Variants in NUMBL observed in about 807,000 individuals in gnomAD.
NUMBL encodes NUMB like endocytic adaptor protein.
A neutral mutation model predicts 48.9 loss-of-function variants in NUMBL; 20 were observed. That is an observed-to-expected ratio of 0.41 (90% CI 0.29 to 0.59). The LOEUF is 0.59. NUMBL is among the 20% of genes least tolerant of loss of function. NUMBL has a pLI of 0.31. For synonymous variants in NUMBL, 340 were observed against 348.7 expected, an observed-to-expected ratio of 0.98 and a Z score of 0.28; for missense variants, 660 against 846.2, an observed-to-expected ratio of 0.78 and a Z score of 2.73.
rs1343038448 is a variant in NUMBL at position 40,670,081 on chromosome 19, C to T, written c.1037-61G>A. On this transcript the variant is annotated intron_variant, in intron 8 of 9. Transcript: ENST00000252891. ...GCCCAGACCCTGCCGCAGCCCCGCC[C>T]TCTACCCCCCGCCCTCGGTGGCCCT... The T allele has an allele frequency of 2.5e-6, 4 of 1,571,304 alleles. No homozygotes were observed. The East Asian group carries it at 6.8e-5, about 27-fold the overall frequency.
chr19:40,684,776 C>A (rs1466127256), intron 2 of NUMBL: 2 of 514,302 alleles, frequency 3.9e-6, no homozygotes, highest in African/African-American at 2.1e-5. Context: ...AAGTTGGGCA[C>A]TGGGGATTCA....
At position 40,682,889 on chromosome 19, in the gene NUMBL, C is replaced by G; in HGVS notation, c.324+5G>C. The G allele has an allele frequency of 1.2e-6, 2 of 1,614,112 alleles. No individual in the cohort carries two copies. The highest frequency in any genetic ancestry group is 1.7e-6 in the Non-Finnish European group (2 of 1,180,030). Reference sequence around the variant, plus strand: ...CCCCTCCCTCATGGCAGCCCCCTCACTCACCGCCTTCAGCTTCTTCACCGC... The same window carrying G: ...CCCCTCCCTCATGGCAGCCCCCTCAGTCACCGCCTTCAGCTTCTTCACCGC... On this transcript the variant is annotated splice_donor_5th_base_variant and intron_variant, in intron 4 of 9. Transcript: ENST00000252891. This position sits in a 1 kb window ranked among gnomAD's most constrained non-coding sequence, Gnocchi z 4.0.
At chr19:40,676,464 T>G (rs1281911196) in intron 7 of NUMBL, among the ~76,000 whole-genome samples, 1 of 151,782 alleles carries the variant, frequency 6.6e-6, no homozygotes, top group Non-Finnish European at 1.5e-5. Context: ...AATACACAGG[T>G]TGAAAAGCCC....
At chr19:40,672,153 C>T (rs935907863) in intron 8 of NUMBL, among the ~76,000 whole-genome samples, 3 of 152,270 alleles carry the variant, frequency 2.0e-5, no homozygotes, top group African/African-American at 7.2e-5. Flanking sequence ...GTGCTGAGAC[C>T]ACAGGCATGA....
In NUMBL at chr19:40,682,832, G is replaced by A. The variant is rs191237922; in HGVS notation, c.325-30C>T. 24 of 1,613,968 alleles carry A rather than the reference G, an allele frequency of 1.5e-5. No individual in the cohort carries two copies. Among genetic ancestry groups the A allele is most frequent in the African/African-American group, 1.1e-4 (8 of 75,028 alleles). On this transcript the variant is annotated intron_variant, in intron 4 of 9. Coordinates refer to ENST00000252891, the MANE Select transcript of NUMBL (RefSeq NM_004756.5). The surrounding 1 kb of genome is among the most constrained non-coding windows in gnomAD (Gnocchi z 4.0). ...AGGGAGGCAAGGGGACAAAGGAGCC[G>A]GGTCAGGGTGCCTCTCCCTGTCTGA...
intron 8 of NUMBL, among the ~76,000 whole-genome samples, 154 bp from the exon 9 acceptor site, chr19:40,670,174 A>G (rs1490641760): frequency 1.3e-5 from 2 of 152,034 alleles, no homozygotes; most frequent in African/African-American, 4.8e-5. Context: ...AACTGTGCAT[A>G]TGTGTGTGTC....
At chr19:40,685,795 A>T (rs916021881) in intron 2 of NUMBL, 1 of 153,384 alleles carries the variant, frequency 6.5e-6, no homozygotes, top group Non-Finnish European at 1.5e-5. Flanking sequence ...GATCTACAAG[A>T]CTGTCTGTGT....
At chr19:40,683,031 T>G in intron 3 of NUMBL, 63 bp from the exon 4 acceptor site, 4 of 1,376,972 alleles carry the variant, frequency 2.9e-6, no homozygotes, top group Non-Finnish European at 4.1e-6. Context: ...ATTCTCAGTG[T>G]CCACTGAGCA....
Position 40,688,560 on chromosome 19 carries a change from C to G in NUMBL, c.25-1565G>C, listed in dbSNP as rs897472433. Among the ~76,000 whole-genome samples the G allele has an allele frequency of 2.0e-5, 3 of 152,166 alleles. No homozygotes were observed. Among genetic ancestry groups the G allele is most frequent in the African/African-American group, 7.2e-5 (3 of 41,410 alleles). ...TAACACAGGTAGTCCAGCACATACA[C>G]ACAGAGACAAAAACAGGCACACAGC... On this transcript the variant is annotated intron_variant, in intron 1 of 9. Coordinates refer to ENST00000252891, the MANE Select transcript of NUMBL (RefSeq NM_004756.5). The surrounding 1 kb of genome is among the most constrained non-coding windows in gnomAD (Gnocchi z 4.6).
Position 40,687,018 on chromosome 19 carries a change from G to A in NUMBL, c.25-23C>T, listed in dbSNP as rs1352555480. On this transcript the variant is annotated intron_variant, in intron 1 of 9. Coordinates refer to ENST00000252891, the MANE Select transcript of NUMBL (RefSeq NM_004756.5). The surrounding 1 kb of genome is among the most constrained non-coding windows in gnomAD (Gnocchi z 4.6). ...GCCCTGCCCGAGTAGGGGAGGAGAAGGTGAGAAGTTTGTCTGGGTTGGGGC... is the reference window on the plus strand; with the variant it reads ...GCCCTGCCCGAGTAGGGGAGGAGAAAGTGAGAAGTTTGTCTGGGTTGGGGC... The A allele has an allele frequency of 2.8e-6, 4 of 1,440,462 alleles. No homozygotes were observed. Among genetic ancestry groups the A allele is most frequent in the East Asian group, 5.2e-5 (2 of 38,636 alleles). The allele number at this position is 1,440,462 out of a possible 1,614,324, so 89.2% of individuals were successfully genotyped here. A position where few individuals can be genotyped will look rare whatever the true frequency, so the allele number is the denominator to read the frequency against.
chr19:40,685,821 T>C (rs1214298224), intron 2 of NUMBL: 1 of 153,562 alleles, frequency 6.5e-6, no homozygotes, highest in Non-Finnish European at 1.5e-5. Context: ...AGTGCAGCTG[T>C]TGGCGGTGAG....
At chr19:40,676,614 C>G (rs988898041) in intron 7 of NUMBL, among the ~76,000 whole-genome samples, 7 of 151,134 alleles carry the variant, frequency 4.6e-5, no homozygotes, top group Non-Finnish European at 8.9e-5. Context: ...ATTGCTTGAA[C>G]CCGGGAGGTG....
intron 8 of NUMBL, among the ~76,000 whole-genome samples, chr19:40,672,944 C>A (rs1489674900): frequency 6.6e-6 from 1 of 152,066 alleles, no homozygotes; most frequent in African/African-American, 2.4e-5. Context: ...CAAAAACAGG[C>A]CAATGGTGTT....
chr19:40,683,392 T>C (rs979923671), intron 3 of NUMBL, among the ~76,000 whole-genome samples: 8 of 152,220 alleles, frequency 5.3e-5, no homozygotes, highest in African/African-American at 1.9e-4. Flanking sequence ...GCAGGTGGGA[T>C]GACTGTTGCC....
At chr19:40,680,323 T>C (rs913676344) in intron 6 of NUMBL, among the ~76,000 whole-genome samples, 2 of 152,106 alleles carry the variant, frequency 1.3e-5, no homozygotes, top group Non-Finnish European at 2.9e-5. Flanking sequence ...ACTTTTTTTG[T>C]ATTTTTAGTA....
At chr19:40,683,819 T>C (rs1434711422) in intron 3 of NUMBL, among the ~76,000 whole-genome samples, 1 of 152,100 alleles carries the variant, frequency 6.6e-6, no homozygotes, top group Non-Finnish European at 1.5e-5. Context: ...CTCTGTTGCC[T>C]AGGCTGGAGT....
At chr19:40,684,157 C>T (rs765031161) in intron 3 of NUMBL, 3 of 419,338 alleles carry the variant, frequency 7.2e-6, no homozygotes, top group Non-Finnish European at 1.3e-5. Flanking sequence ...CAATCTCCGC[C>T]TCCCGGGTTC....
Position 40,682,594 on chromosome 19 carries a change from G to A in NUMBL, c.399+134C>T, listed in dbSNP as rs1392707715. On this transcript the variant is annotated intron_variant, in intron 5 of 9. Coordinates refer to ENST00000252891, the MANE Select transcript of NUMBL (RefSeq NM_004756.5). This position sits in a 1 kb window ranked among gnomAD's most constrained non-coding sequence, Gnocchi z 4.0. Reference sequence around the variant, plus strand: ...CATTTATTCCTGAGTTATGACGACAGAGGGAGCACACGGCATCGTCTAGAA... The same window carrying A: ...CATTTATTCCTGAGTTATGACGACAAAGGGAGCACACGGCATCGTCTAGAA... 8.0e-6 allele frequency: 6 copies of A among 747,138 alleles called. No individual in the cohort carries two copies. The highest frequency in any genetic ancestry group is 5.5e-5 in the Admixed American group (2 of 36,634). The allele number at this position is 747,138 out of a possible 1,614,324, so 46.3% of individuals were successfully genotyped here.
Position 40,690,562 on chromosome 19 carries a change from C to T in NUMBL, c.-79G>A. ...ACTGCTGCTGCTGCGGTGGTGGCGG[C>T]GGCAGCTCGGTCTGACGCCGGCCAG... On this transcript the variant is annotated 5_prime_UTR_variant, in exon 1 of 10. Coordinates refer to ENST00000252891, the MANE Select transcript of NUMBL (RefSeq NM_004756.5). The T allele has an allele frequency of 2.2e-6, 2 of 923,898 alleles. No homozygotes were observed. The highest frequency in any genetic ancestry group is 4.8e-5 in the South Asian group (1 of 20,922). 57.2% of individuals were successfully genotyped at this position (923,898 alleles called of 1,614,324 possible). A position where few individuals can be genotyped will look rare whatever the true frequency, so the allele number is the denominator to read the frequency against.
Sources: gnomAD v4.1 joint callset for allele counts (sites outside exome capture counted in the v4.1 genomes callset) on GRCh38, gnomAD v4.1.1 for gene constraint, Gnocchi (gnomAD v3.1) non-coding constraint, MANE v1.5 for transcripts, NCBI Gene and HGNC (gene_info 2026-07-23, HGNC 2026-07-21) for gene names.